The following ATP10B variants were observed in gnomAD, a reference collection of about 807,000 sequenced individuals.
ATP10B encodes ATPase phospholipid transporting 10B (putative), also known as phospholipid-transporting ATPase VB.
A neutral mutation model predicts 141.2 loss-of-function variants in ATP10B; 122 were observed. The ratio of observed to expected loss-of-function variants is 0.86; its 90% confidence interval spans 0.75 to 1.00. The LOEUF (loss-of-function observed/expected upper bound fraction) is 1.00, where lower values mean the gene tolerates loss of function less well. Ranked by LOEUF, ATP10B falls within the 50% of genes least tolerant of loss-of-function variation. The pLI is 0.00. For synonymous variants in ATP10B, 685 were observed against 692.0 expected (o/e 0.99, Z 0.16); for missense variants, 1,876 against 1,825.3 (o/e 1.03, Z -0.51).
chr5:160,748,873 A>C (rs1310549017), intron 2 of ATP10B, among the ~76,000 whole-genome samples: 2 of 152,210 alleles, frequency 1.3e-5, no homozygotes, highest in Admixed American at 1.3e-4. Flanking sequence ...ATTAGGAATA[A>C]AATAATGTAG....
chr5:160,815,394 C>T (rs984952862), intron 1 of ATP10B, among the ~76,000 whole-genome samples: 3 of 152,068 alleles, frequency 2.0e-5, no homozygotes, highest in South Asian at 2.1e-4. Flanking sequence ...GAAAAAGAAG[C>T]CCATTACATA....
chr5:160,818,607 T>C (rs1442440560), intron 1 of ATP10B, among the ~76,000 whole-genome samples: 1 of 152,232 alleles, frequency 6.6e-6, no homozygotes, highest in African/African-American at 2.4e-5. Flanking sequence ...CTCAGGGTTC[T>C]AGAACTAGAA....
chr5:160,598,808 C>T lies in ATP10B; in HGVS notation c.3526G>A (p.Ala1176Thr), dbSNP rs1157520743. 6.2e-7 allele frequency: 1 copy of T among 1,614,094 alleles called. No homozygotes were observed. Among genetic ancestry groups the T allele is most frequent in the Non-Finnish European group, 8.5e-7 (1 of 1,179,986 alleles). Reference sequence around the variant, plus strand: ...CCACTCTTGTATAGCTCAGGCAATGCCAGGAGTGTTTCTGCAGAGATGTCT... The same window carrying T: ...CCACTCTTGTATAGCTCAGGCAATGTCAGGAGTGTTTCTGCAGAGATGTCT... The part of the protein sequence containing the change: ...DKDISAETLL[A>T]LPELYKSGQN... Residue 1176 changes from alanine (A) to threonine (T), a missense_variant, in exon 22 of 26, where the codon GCA becomes ACA. By Grantham distance (58) the Ala-to-Thr change is moderately conservative. Transcript: ENST00000327245.
intron 2 of ATP10B, among the ~76,000 whole-genome samples, chr5:160,733,435 C>A (rs988742280): frequency 1.3e-4 from 19 of 151,614 alleles, no homozygotes; most frequent in Non-Finnish European, 7.4e-5. Context: ...ACAAAAGATA[C>A]AAATTACAGA....
At chr5:160,841,293 T>TG (rs1015394205) in intron 1 of ATP10B, among the ~76,000 whole-genome samples, 5 of 151,726 alleles carry the variant, frequency 3.3e-5, no homozygotes, top group African/African-American at 9.7e-5. Flanking sequence ...CATTGTTAGG[T>TG]GAAAAAAAAA....
At chr5:160,877,036 T>C in the ATP10B span, among the ~76,000 whole-genome samples, 3 of 152,068 alleles carry the variant, frequency 2.0e-5, no homozygotes, top group Non-Finnish European at 4.4e-5. Context: ...ACTCATTTTA[T>C]GAGGCCAGCA....
chr5:160,602,807 T>A, intron 20 of ATP10B, 105 bp from the exon 21 acceptor site: 1 of 1,494,268 alleles, frequency 6.7e-7, no homozygotes, highest in Non-Finnish European at 9.1e-7. Flanking sequence ...GCCAGCAGAG[T>A]CCTAAAGACC....
At chr5:160,577,335 A>G (rs1253379074) in intron 24 of ATP10B, among the ~76,000 whole-genome samples, 1 of 152,122 alleles carries the variant, frequency 6.6e-6, no homozygotes, top group Non-Finnish European at 1.5e-5. Context: ...GTCACAGGGC[A>G]CTGACAAAAG....
intron 2 of ATP10B, among the ~76,000 whole-genome samples, chr5:160,725,575 A>G (rs1265531648): frequency 6.6e-6 from 1 of 151,908 alleles, no homozygotes; most frequent in Admixed American, 6.6e-5. Flanking sequence ...CCTCGCAAGT[A>G]GCTGGGACTA....
chr5:160,833,809 A>G (rs1390113604), intron 1 of ATP10B, among the ~76,000 whole-genome samples: 1 of 152,190 alleles, frequency 6.6e-6, no homozygotes, highest in Non-Finnish European at 1.5e-5. Context: ...CAGTGAGAAG[A>G]CGCGTTTTAA....
At chr5:160,640,875 C>T (rs1255145523) in intron 9 of ATP10B, among the ~76,000 whole-genome samples, 1 of 152,154 alleles carries the variant, frequency 6.6e-6, no homozygotes. Flanking sequence ...AGAGCGTAGC[C>T]CTCATTCTGT....
At chr5:160,860,228 A>G in the ATP10B span, among the ~76,000 whole-genome samples, 1 of 151,962 alleles carries the variant, frequency 6.6e-6, no homozygotes, top group Non-Finnish European at 1.5e-5. Flanking sequence ...TGTTTATCAA[A>G]GTTAAACAAA....
chr5:160,923,845 C>G, the ATP10B span, among the ~76,000 whole-genome samples: 1 of 152,172 alleles, frequency 6.6e-6, no homozygotes, highest in Non-Finnish European at 1.5e-5. Context: ...TCAAGTCCCA[C>G]TTACTATTAA....
intron 7 of ATP10B, among the ~76,000 whole-genome samples, chr5:160,656,513 C>T (rs1761507272): frequency 6.6e-6 from 1 of 152,124 alleles, no homozygotes; most frequent in South Asian, 2.1e-4. Context: ...TGTCTATAGA[C>T]AGAGTAAAAA....
At chr5:160,838,768 T>C (rs1473779635) in intron 1 of ATP10B, among the ~76,000 whole-genome samples, 5 of 152,196 alleles carry the variant, frequency 3.3e-5, no homozygotes, top group African/African-American at 1.2e-4. Context: ...TGTGATGTCA[T>C]TTGGACATTT....
the ATP10B span, among the ~76,000 whole-genome samples, chr5:160,874,681 G>A: frequency 2.0e-5 from 3 of 152,198 alleles, no homozygotes; most frequent in African/African-American, 2.4e-5. Context: ...ATACAGAGAA[G>A]CGCTTAAAGG....
At chr5:160,810,736 T>A (rs1207753833) in intron 1 of ATP10B, among the ~76,000 whole-genome samples, 1 of 152,250 alleles carries the variant, frequency 6.6e-6, no homozygotes, top group East Asian at 1.9e-4. Context: ...TGTCCTTAGA[T>A]GCATGAAAAT....
the ATP10B span, among the ~76,000 whole-genome samples, chr5:160,920,249 T>C: frequency 6.6e-6 from 1 of 152,202 alleles, no homozygotes; most frequent in African/African-American, 2.4e-5. Context: ...TGAATCGACA[T>C]CTTTCTAACT....
the ATP10B span, among the ~76,000 whole-genome samples, chr5:160,870,290 G>A: frequency 6.6e-6 from 1 of 152,018 alleles, no homozygotes. Context: ...TACCTTGCTA[G>A]TACAATATTA....
Sources: allele counts gnomAD v4.1 joint callset (sites outside exome capture counted in the v4.1 genomes callset), GRCh38; gene constraint gnomAD v4.1.1; transcripts MANE v1.5; gene names NCBI Gene and HGNC (gene_info 2026-07-23, HGNC 2026-07-21).